CFAP47: variants seen among roughly 807,000 people sequenced by gnomAD.
CFAP47 encodes the protein cilia and flagella associated protein 47.
A neutral mutation model predicts 148.1 loss-of-function variants in CFAP47; 29 were observed. The observed-to-expected ratio is 0.20, with a 90% CI of 0.15 to 0.27. The LOEUF is 0.27. Ranked by LOEUF, CFAP47 falls within the 10% of genes least tolerant of loss-of-function variation. CFAP47 has a pLI of 1.00. For missense variants in CFAP47, 1,872 were observed against 1,697.5 expected (o/e 1.10, Z -1.81); for synonymous variants, 664 against 577.3 (o/e 1.15, Z -2.15).
At chrX:36,106,789 G>C (rs764611830) in intron 33 of CFAP47, among the ~76,000 whole-genome samples, 1 of 111,783 alleles carries the variant, frequency 8.9e-6, no homozygotes, top group African/African-American at 3.2e-5. Flanking sequence ...CATAGAGACA[G>C]GAAAAAGATC....
intron 8 of CFAP47, among the ~76,000 whole-genome samples, chrX:35,957,101 C>T (rs1353421915): frequency 9.4e-6 from 1 of 106,260 alleles, no homozygotes; most frequent in Admixed American, 1.0e-4. Context: ...CCCAGCTACT[C>T]AGGAGGCTGA....
In CFAP47 at chrX:36,159,522, A is replaced by G; in HGVS notation, c.5883A>G (p.Arg1961=). The change falls in exon 38 of 64, where the codon AGA becomes AGG. Residue 1961 remains arginine (R), a synonymous_variant. Transcript: ENST00000378653. ...LLISKPKNAV[R]GITMTFALKG... is the part of the protein sequence containing the mutation. ...TTTCAAAACCCAAGAATGCAGTAAG[A>G]GGAATTACAATGACTTTTGCTCTTA... 2 of 298,019 alleles carry G rather than the reference A, an allele frequency of 6.7e-6. No homozygotes were observed. The highest frequency in any genetic ancestry group is 1.2e-5 in the Non-Finnish European group (2 of 170,301). 24.6% of individuals were successfully genotyped at this position (298,019 alleles called of 1,213,427 possible).
chrX:36,300,863 T>C (rs1205513552), intron 52 of CFAP47, among the ~76,000 whole-genome samples: 6 of 112,403 alleles, frequency 5.3e-5, no homozygotes, highest in African/African-American at 1.9e-4. Flanking sequence ...ACAACAACAC[T>C]GCTTTTCTTG....
chrX:36,122,607 A>G (rs1455756154), intron 33 of CFAP47, among the ~76,000 whole-genome samples: 1 of 111,727 alleles, frequency 9.0e-6, no homozygotes, highest in Non-Finnish European at 1.9e-5. Flanking sequence ...ATTTTTTAGT[A>G]TGCCAACTGT....
At chrX:36,138,882 G>A (rs1939092764) in intron 35 of CFAP47, among the ~76,000 whole-genome samples, 1 of 110,721 alleles carries the variant, frequency 9.0e-6, no homozygotes, top group Non-Finnish European at 1.9e-5. Context: ...GGTCATAATG[G>A]CAATATACGT....
At chrX:36,217,072 C>T (rs1368143231) in intron 45 of CFAP47, among the ~76,000 whole-genome samples, 1 of 112,019 alleles carries the variant, frequency 8.9e-6, no homozygotes, top group Non-Finnish European at 1.9e-5. Flanking sequence ...TATTTTGGCT[C>T]ATACCCAGGA....
At chrX:36,289,975 G>C (rs1941177361) in intron 51 of CFAP47, among the ~76,000 whole-genome samples, 1 of 110,372 alleles carries the variant, frequency 9.1e-6, no homozygotes, top group African/African-American at 3.3e-5. Flanking sequence ...CAAAAGGAAG[G>C]GTGCCTTTAT....
At chrX:35,958,282 G>C (rs1461593057) in intron 8 of CFAP47, among the ~76,000 whole-genome samples, 3 of 111,475 alleles carry the variant, frequency 2.7e-5, no homozygotes, top group Non-Finnish European at 5.7e-5. Context: ...GTCATCAATT[G>C]AGGGACATTT....
intron 41 of CFAP47, among the ~76,000 whole-genome samples, chrX:36,189,825 C>T (rs1317690069): frequency 3.6e-5 from 4 of 112,062 alleles, no homozygotes; most frequent in Non-Finnish European, 5.6e-5. Flanking sequence ...TGAAATTCTT[C>T]GTAATGAAAT....
rs202103542 is a variant in CFAP47 at position 35,970,780 on chromosome X, A to G, written c.1827A>G (p.Thr609=). 4.6e-5 allele frequency: 54 copies of G among 1,168,009 alleles called. No homozygotes were observed. The highest frequency in any genetic ancestry group is 5.1e-4 in the Middle Eastern group (2 of 3,944). Reference sequence around the variant, plus strand: ...GCTTATATTGCAGGCCAATTTTCACAAAAGTTCCAAGATTTAACTATGTGA... The same window carrying G: ...GCTTATATTGCAGGCCAATTTTCACGAAAGTTCCAAGATTTAACTATGTGA... ...DHHKHFRPIF[T]KVPRFNYVNH... Residue 609 remains threonine, a synonymous_variant, in exon 11 of 64, where the codon ACA becomes ACG. Coordinates refer to ENST00000378653, the MANE Select transcript of CFAP47 (RefSeq NM_001304548.2).
chrX:36,128,120 C>G (rs758318190), intron 33 of CFAP47, among the ~76,000 whole-genome samples: 2 of 110,992 alleles, frequency 1.8e-5, no homozygotes, highest in Non-Finnish European at 3.8e-5. Flanking sequence ...GCCAGAACTT[C>G]CAATACTATG....
chrX:36,336,820 A>G (rs1242164799), intron 57 of CFAP47, among the ~76,000 whole-genome samples: 2 of 111,920 alleles, frequency 1.8e-5, no homozygotes, highest in Non-Finnish European at 3.8e-5. Flanking sequence ...AAAGGCAACT[A>G]TTTATAAATT....
At chrX:36,276,055 T>TAC (rs1491451724) in intron 49 of CFAP47, among the ~76,000 whole-genome samples, 2 of 108,202 alleles carry the variant, frequency 1.8e-5, no homozygotes, top group East Asian at 5.6e-4. Flanking sequence ...TTTATATATG[T>TAC]ATATATATAT....
chrX:36,061,440 G>C (rs1937593275), intron 26 of CFAP47, among the ~76,000 whole-genome samples: 1 of 111,902 alleles, frequency 8.9e-6, no homozygotes, highest in Admixed American at 9.5e-5. Context: ...GCAACATAAT[G>C]AATGAGCTCT....
chrX:36,340,233 A>T, intron 57 of CFAP47, among the ~76,000 whole-genome samples: 1 of 112,067 alleles, frequency 8.9e-6, no homozygotes, highest in East Asian at 2.8e-4. Context: ...CAGAGCAACC[A>T]AATGGCAGTC....
At chrX:36,043,100 A>G (rs1937425522) in intron 25 of CFAP47, among the ~76,000 whole-genome samples, 1 of 112,204 alleles carries the variant, frequency 8.9e-6, no homozygotes, top group South Asian at 3.6e-4. Flanking sequence ...AAATATTCCA[A>G]ATTGTATTGT....
At chrX:35,955,826 T>A in intron 7 of CFAP47, 135 bp from the exon 8 acceptor site, 5 of 936,071 alleles carry the variant, frequency 5.3e-6, no homozygotes, top group Non-Finnish European at 7.2e-6. Flanking sequence ...AGACACTCAA[T>A]AATTGTGTTG....
intron 25 of CFAP47, among the ~76,000 whole-genome samples, chrX:36,043,522 G>C (rs10127294): frequency 8.9e-6 from 1 of 112,803 alleles, no homozygotes; most frequent in Non-Finnish European, 1.9e-5. Flanking sequence ...GGGGCCACAG[G>C]CCCCATGCAA....
chrX:36,143,077 G>A (rs956176830), intron 35 of CFAP47, among the ~76,000 whole-genome samples: 2 of 111,636 alleles, frequency 1.8e-5, no homozygotes, highest in Non-Finnish European at 3.8e-5. Flanking sequence ...TACTAACGTC[G>A]TCTTTAAAGA....
Sources: gnomAD v4.1 joint callset for allele counts (sites outside exome capture counted in the v4.1 genomes callset) on GRCh38, gnomAD v4.1.1 for gene constraint, MANE v1.5 for transcripts, NCBI Gene and HGNC (gene_info 2026-07-23, HGNC 2026-07-21) for gene names.